SMOC2: variants seen among roughly 807,000 people sequenced by gnomAD.
SMOC2 encodes the protein SPARC-related modular calcium-binding protein 2.
In SMOC2, 39 loss-of-function variants were observed where a neutral mutation model predicts 61.4. The observed-to-expected ratio is 0.64, with a 90% confidence interval of 0.49 to 0.83. The LOEUF is 0.83. Ranked by LOEUF, SMOC2 falls within the 40% of genes least tolerant of loss-of-function variation. The pLI, the probability that SMOC2 is intolerant of heterozygous loss-of-function variation, is 0.00. For missense variants in SMOC2, 556 were observed against 592.9 expected, an observed-to-expected ratio of 0.94 and a Z score of 0.65; for synonymous variants, 247 against 239.9, an observed-to-expected ratio of 1.03 and a Z score of -0.27.
At chr6:168,648,044 G>T (rs1354422215) in intron 9 of SMOC2, among the ~76,000 whole-genome samples, 2 of 149,406 alleles carry the variant, frequency 1.3e-5, no homozygotes, top group African/African-American at 5.1e-5. Flanking sequence ...TATCTCATTT[G>T]GGGGAATATG....
chr6:168,543,002 A>G (rs1232735653), intron 4 of SMOC2, among the ~76,000 whole-genome samples: 2 of 152,168 alleles, frequency 1.3e-5, no homozygotes, highest in African/African-American at 4.8e-5. Flanking sequence ...AACTATTTTT[A>G]TTTCTCGAGT....
chr6:168,518,761 TCATGTGCGTGTGTG>T (rs1783223790), intron 2 of SMOC2, among the ~76,000 whole-genome samples: 1 of 145,444 alleles, frequency 6.9e-6, no homozygotes, highest in African/African-American at 2.6e-5. Context: ...GTGTGTGTGT[TCATGTGCGTGTGTG>T]CATGTGTGAA....
Position 168,535,233 on chromosome 6 carries a change from G to A in SMOC2, c.463+7506G>A, listed in dbSNP as rs914686704. On this transcript the variant is annotated intron_variant, in intron 4 of 12. Transcript: ENST00000356284. This position sits in a 1 kb window ranked among gnomAD's most constrained non-coding sequence, Gnocchi z 4.6. ...GATCCGCTCACCTTGGCCTCCCAAA[G>A]TGCTGGGATTACAGGCAGGAGCCAC... Among the ~76,000 whole-genome samples the A allele has an allele frequency of 3.3e-5, 5 of 152,082 alleles. No individual in the cohort carries two copies. Among genetic ancestry groups the A allele is most frequent in the Admixed American group, 3.3e-4 (5 of 15,264 alleles).
intron 4 of SMOC2, among the ~76,000 whole-genome samples, chr6:168,533,773 C>A (rs1422793616): frequency 6.6e-6 from 1 of 151,948 alleles, no homozygotes; most frequent in Non-Finnish European, 1.5e-5. Flanking sequence ...TATTTCAATA[C>A]CATTGAAAGA....
chr6:168,640,042 T>C (rs1265289309), intron 9 of SMOC2, among the ~76,000 whole-genome samples: 2 of 152,194 alleles, frequency 1.3e-5, no homozygotes, highest in Non-Finnish European at 2.9e-5. Flanking sequence ...AGGAGGTCAT[T>C]ACTCCATGTA....
intron 4 of SMOC2, among the ~76,000 whole-genome samples, chr6:168,528,109 T>G (rs1269974635): frequency 6.6e-6 from 1 of 152,236 alleles, no homozygotes; most frequent in Non-Finnish European, 1.5e-5. Context: ...AAATTGCTGG[T>G]TTTGTATGCA....
intron 9 of SMOC2, among the ~76,000 whole-genome samples, chr6:168,626,115 A>G (rs1786402368): frequency 6.6e-6 from 1 of 152,244 alleles, no homozygotes; most frequent in Admixed American, 6.5e-5. Flanking sequence ...AGGTCTTGCC[A>G]CGTGAAGGAG....
chr6:168,641,940 A>G (rs552952756), intron 9 of SMOC2, among the ~76,000 whole-genome samples: 6 of 152,374 alleles, frequency 3.9e-5, no homozygotes, highest in Non-Finnish European at 5.9e-5. Flanking sequence ...GAAAATAAAT[A>G]TAGAAAATAT....
At chr6:168,451,175 C>A (rs570103777) in intron 1 of SMOC2, among the ~76,000 whole-genome samples, 2 of 152,150 alleles carry the variant, frequency 1.3e-5, no homozygotes, top group African/African-American at 4.8e-5. Context: ...CTCCCTCCCT[C>A]GGGTCGCCCC....
chr6:168,525,639 G>A (rs1028960539), intron 2 of SMOC2, among the ~76,000 whole-genome samples: 1 of 152,184 alleles, frequency 6.6e-6, no homozygotes, highest in Non-Finnish European at 1.5e-5. Flanking sequence ...TTGTTGGGAA[G>A]GTGGGATGTG....
chr6:168,466,667 G>A (rs1276484009), intron 1 of SMOC2, among the ~76,000 whole-genome samples: 7 of 152,242 alleles, frequency 4.6e-5, no homozygotes, highest in Non-Finnish European at 2.9e-5. Context: ...TGGGCTTTCT[G>A]CATCTGTCCC....
chr6:168,467,417 C>T (rs1020461014), intron 1 of SMOC2, among the ~76,000 whole-genome samples: 3 of 152,108 alleles, frequency 2.0e-5, no homozygotes, highest in African/African-American at 2.4e-5. Context: ...AGCGATTCTC[C>T]TGCCTCAGCT....
At chr6:168,483,621 T>C (rs1782262928) in intron 1 of SMOC2, among the ~76,000 whole-genome samples, 1 of 152,172 alleles carries the variant, frequency 6.6e-6, no homozygotes, top group African/African-American at 2.4e-5. Context: ...TCATGTGGAA[T>C]GTCAAGGGAC....
At chr6:168,619,964 G>A (rs935118922) in intron 9 of SMOC2, among the ~76,000 whole-genome samples, 2 of 152,174 alleles carry the variant, frequency 1.3e-5, no homozygotes, top group African/African-American at 4.8e-5. Flanking sequence ...TGTCCAGCTC[G>A]CTCTCAAGGT....
chr6:168,637,297 G>T (rs972756468), intron 9 of SMOC2, among the ~76,000 whole-genome samples: 1 of 152,236 alleles, frequency 6.6e-6, no homozygotes, highest in African/African-American at 2.4e-5. Flanking sequence ...GGTGGCCGCG[G>T]CCTTCTTGGG....
At chr6:168,650,223 A>G (rs951044946) in intron 9 of SMOC2, among the ~76,000 whole-genome samples, 3 of 152,048 alleles carry the variant, frequency 2.0e-5, no homozygotes, top group Non-Finnish European at 4.4e-5. Context: ...TGTTTGCCCT[A>G]CTGCCTCCTT....
chr6:168,458,738 A>G (rs543543758), intron 1 of SMOC2, among the ~76,000 whole-genome samples: 23 of 152,060 alleles, frequency 1.5e-4, no homozygotes, highest in Non-Finnish European at 3.2e-4. Context: ...TGTTTGTGCC[A>G]TGTTGCTGTG....
intron 1 of SMOC2, among the ~76,000 whole-genome samples, chr6:168,472,512 AT>A (rs1781986703): frequency 1.3e-5 from 2 of 152,132 alleles, no homozygotes; most frequent in East Asian, 3.9e-4. Context: ...TTTAAAAGAC[AT>A]TTTTTAAAAA....
chr6:168,466,825 G>C (rs888679096), intron 1 of SMOC2, among the ~76,000 whole-genome samples: 1 of 152,200 alleles, frequency 6.6e-6, no homozygotes. Context: ...GGTTTCTCCC[G>C]GATGTTTCAG....
Sources: gnomAD v4.1 joint callset for allele counts (sites outside exome capture counted in the v4.1 genomes callset) on GRCh38, gnomAD v4.1.1 for gene constraint, Gnocchi (gnomAD v3.1) non-coding constraint, MANE v1.5 for transcripts, NCBI Gene and HGNC (gene_info 2026-07-23, HGNC 2026-07-21) for gene names.